Variants in PNKD observed in about 807,000 individuals in gnomAD.
PNKD encodes the protein probable thioesterase PNKD.
Under a neutral mutation model 45.3 loss-of-function variants are expected in PNKD, and 36 were observed. The observed-to-expected ratio is 0.80, with a 90% CI of 0.61 to 1.05. The LOEUF is 1.05. PNKD is among the 50% of genes least tolerant of loss of function. PNKD has a pLI of 0.00. For synonymous variants in PNKD, 197 were observed against 210.1 expected (o/e 0.94, Z 0.54); for missense variants, 511 against 506.6 (o/e 1.01, Z -0.08).
chr2:218,288,273 C>CA (rs1692681953), intron 2 of PNKD, among the ~76,000 whole-genome samples: 1 of 152,034 alleles, frequency 6.6e-6, no homozygotes, highest in African/African-American at 2.4e-5. Flanking sequence ...CTAAAAAATA[C>CA]AAAAAATTAG....
chr2:218,309,034 A>T (rs1281794430), intron 2 of PNKD, among the ~76,000 whole-genome samples: 1 of 152,030 alleles, frequency 6.6e-6, no homozygotes, highest in African/African-American at 2.4e-5. Flanking sequence ...TCAAGAGATC[A>T]TTCAAGATCA....
rs146224183 is a variant in PNKD, at chr2:218,344,516, C to A, written c.930C>A (p.Ala310=). The change falls in exon 9 of 10, where the codon GCC becomes GCA. Residue 310 remains alanine (A), a synonymous_variant. Coordinates refer to ENST00000273077, the MANE Select transcript of PNKD (RefSeq NM_015488.5). ...FAGVVEPENL[A]RERKMQWVQR... ...GTGTGGTGGAGCCCGAGAACCTGGC[C>A]CGGGAGAGGAAGATGCAGTGGGTGC... is the stretch of plus-strand genomic sequence containing the variant. The A allele has an allele frequency of 3.8e-6, 6 of 1,593,070 alleles. No individual in the cohort carries two copies. In the Admixed American group the frequency reaches 8.9e-5, roughly 24 times the overall value.
At chr2:218,281,738 G>A (rs559930749) in intron 2 of PNKD, among the ~76,000 whole-genome samples, 1 of 152,344 alleles carries the variant, frequency 6.6e-6, no homozygotes, top group South Asian at 2.1e-4. Flanking sequence ...TGAACAAAGG[G>A]GGCAGCAAGT....
At chr2:218,323,247 C>T (rs1281288041) in intron 2 of PNKD, 5 of 1,468,324 alleles carry the variant, frequency 3.4e-6, no homozygotes. Context: ...CCCGCCCGGC[C>T]GGCGCGTGCC....
rs777330210 is a variant in PNKD at position 218,270,599 on chromosome 2, C to T, written c.64C>T (p.Arg22Trp). 3 of 1,038,766 alleles carry T rather than the reference C, an allele frequency of 2.9e-6. No homozygotes were observed. Among genetic ancestry groups the T allele is most frequent in the East Asian group, 3.2e-5 (1 of 31,658 alleles). 64.3% of individuals were successfully genotyped at this position (1,038,766 alleles called of 1,614,324 possible). ...GRGARNARVL[R>W]GILAGATANK... The stretch of plus-strand genomic sequence containing the variant: ...GGGGGCGAGAAATGCCCGCGTCCTC[C>T]GGGGTAAGGAGAGGGACCCCGGGGA... The change falls in exon 1 of 10, where the codon CGG becomes TGG. Residue 22 changes from arginine to tryptophan, a missense_variant. By Grantham distance (101) the Arg-to-Trp change is moderately radical. Transcript: ENST00000273077.
intron 2 of PNKD, chr2:218,274,825 C>T (rs571839302): frequency 6.5e-6 from 1 of 153,866 alleles, no homozygotes; most frequent in Admixed American, 6.5e-5. Flanking sequence ...CCATGCTGGC[C>T]TGTATAGGTT....
intron 2 of PNKD, among the ~76,000 whole-genome samples, chr2:218,337,362 C>T (rs1230756077): frequency 1.3e-5 from 2 of 152,282 alleles, no homozygotes; most frequent in South Asian, 2.1e-4. Context: ...CATGAGCCAC[C>T]GCGCCCGGCC....
In PNKD at chr2:218,344,890, C is replaced by T. The variant is rs1553516179; in HGVS notation, c.1067C>T (p.Pro356Leu). 12 of 1,613,752 alleles carry T rather than the reference C, an allele frequency of 7.4e-6. No individual in the cohort carries two copies. Among genetic ancestry groups the T allele is most frequent in the African/African-American group, 1.3e-5 (1 of 74,914 alleles). ...CTGGCGCTACAGGAGGCTCTGGGGC[C>T]GGGGCCGGGCCCCACTGGGGATGAT... ...HCLALQEALG[P>L]GPGPTGDDDY... The change falls in exon 10 of 10, where the codon CCG (proline) becomes CTG (leucine). Residue 356 changes from proline to leucine, a missense_variant. Transcript: ENST00000273077.
At chr2:218,325,790 T>C (rs1430768374) in intron 2 of PNKD, among the ~76,000 whole-genome samples, 2 of 152,150 alleles carry the variant, frequency 1.3e-5, no homozygotes, top group African/African-American at 2.4e-5. Context: ...ACTCTAATCA[T>C]TGGAGAGCTT....
intron 2 of PNKD, chr2:218,282,208 C>A: frequency 7.7e-7 from 1 of 1,296,552 alleles, no homozygotes; most frequent in South Asian, 1.7e-5. Flanking sequence ...GAAAAGCAAT[C>A]GTGAATGCCC....
chr2:218,279,356 G>C (rs112762478), intron 2 of PNKD: 2 of 1,566,404 alleles, frequency 1.3e-6, no homozygotes, highest in Non-Finnish European at 8.6e-7. Context: ...GAGTAAACCT[G>C]GACACAGACG....
At chr2:218,278,907 C>A (rs529875532) in intron 2 of PNKD, 2 of 1,040,318 alleles carry the variant, frequency 1.9e-6, no homozygotes, top group Non-Finnish European at 2.9e-6. Flanking sequence ...CCCTCTGGCA[C>A]GGGAAACTGG....
intron 2 of PNKD, among the ~76,000 whole-genome samples, chr2:218,332,649 A>G (rs1272682414): frequency 1.3e-5 from 2 of 151,944 alleles, no homozygotes; most frequent in East Asian, 3.9e-4. Context: ...CAAGCCAGGC[A>G]CAGGTCTCCC....
In PNKD at chr2:218,282,037, C is replaced by A. The variant is rs1012840883; in HGVS notation, c.236+10488C>A. ...GCGGGTAGCCAGGGTAGGCAGGATACCCTCCTGGCAGGACAGATGGCTGCC... is the reference window on the plus strand; with the variant it reads ...GCGGGTAGCCAGGGTAGGCAGGATAACCTCCTGGCAGGACAGATGGCTGCC... On this transcript the variant is annotated intron_variant, in intron 2 of 9. Coordinates refer to ENST00000273077, the MANE Select transcript of PNKD (RefSeq NM_015488.5). The A allele has an allele frequency of 1.9e-6, 3 of 1,607,112 alleles. No individual in the cohort carries two copies. In the African/African-American group the frequency reaches 4.0e-5, roughly 21 times the overall value.
intron 2 of PNKD, chr2:218,281,874 G>A (rs537054956): frequency 3.9e-5 from 49 of 1,255,252 alleles, no homozygotes; most frequent in Middle Eastern, 2.4e-4. Flanking sequence ...GGCAGGAGGC[G>A]GTGGCCTCAT....
At chr2:218,279,172 C>A in intron 2 of PNKD, 1 of 1,595,604 alleles carries the variant, frequency 6.3e-7, no homozygotes, top group East Asian at 2.2e-5. Context: ...CCTGGCTTCA[C>A]CTTCTCTAAT....
At chr2:218,308,150 A>T (rs1354428317) in intron 2 of PNKD, among the ~76,000 whole-genome samples, 2 of 152,022 alleles carry the variant, frequency 1.3e-5, no homozygotes, top group African/African-American at 4.8e-5. Flanking sequence ...GTACCCCATG[A>T]GTCAATCAAC....
Position 218,293,580 on chromosome 2 carries a change from CTTTTTTT to C in PNKD, c.236+22047_236+22053del, listed in dbSNP as rs34887009. On this transcript the variant is annotated intron_variant, in intron 2 of 9. Coordinates refer to ENST00000273077, the MANE Select transcript of PNKD (RefSeq NM_015488.5). ...CAGCACCACACCACCACTGAATGTC[CTTTTTTT>C]TTTTTTTTTTTTTTTCCAGACAGGG... 7.1e-5 allele frequency among the ~76,000 whole-genome samples: 7 copies of C among 98,678 alleles called. No homozygotes were observed. The East Asian group carries it at 1.4e-3, about 20-fold the overall frequency. 64.7% of individuals were successfully genotyped at this position (98,678 alleles called of 152,430 possible).
In PNKD at chr2:218,291,655, C is replaced by T. The variant is rs140247039; in HGVS notation, c.236+20106C>T. On this transcript the variant is annotated intron_variant, in intron 2 of 9. Coordinates refer to ENST00000273077, the MANE Select transcript of PNKD (RefSeq NM_015488.5). ...TGGTGCCGACCCCACAAGGCCAGGG[C>T]CTGGCCTCCCAGCAGCCTCCCTCTG... Among the ~76,000 whole-genome samples, 771 of 152,302 alleles carry T rather than the reference C, an allele frequency of 5.1e-3. 6 individuals are homozygous for T. Among genetic ancestry groups the T allele is most frequent in the African/African-American group, 0.018 (747 of 41,564 alleles).
Sources: gnomAD v4.1 joint callset for allele counts (sites outside exome capture counted in the v4.1 genomes callset) on GRCh38, gnomAD v4.1.1 for gene constraint, MANE v1.5 for transcripts, NCBI Gene and HGNC (gene_info 2026-07-23, HGNC 2026-07-21) for gene names.